FGF13: variants seen among roughly 807,000 people sequenced by gnomAD.
The protein encoded by FGF13 is fibroblast growth factor homologous factor 2.
Under a neutral mutation model 19.5 loss-of-function variants are expected in FGF13, and 2 were observed. The ratio of observed to expected loss-of-function variants is 0.10; its 90% CI spans 0.04 to 0.32. The LOEUF (loss-of-function observed/expected upper bound fraction) is 0.32. Ranked by LOEUF, FGF13 falls within the 10% of genes least tolerant of loss-of-function variation. The pLI is 1.00. For missense variants in FGF13, 113 were observed against 192.7 expected (o/e 0.59, Z 2.45); for synonymous variants, 72 against 76.9 (o/e 0.94, Z 0.33).
intron 3 of FGF13, among the ~76,000 whole-genome samples, chrX:138,690,516 G>C (rs1217962202): frequency 9.1e-6 from 1 of 110,008 alleles, no homozygotes; most frequent in Non-Finnish European, 1.9e-5. Context: ...GGGCAAGTGG[G>C]AGCCTTTTTT....
chrX:138,850,515 G>A (rs746369709), intron 3 of FGF13, among the ~76,000 whole-genome samples: 2 of 111,713 alleles, frequency 1.8e-5, no homozygotes, highest in Admixed American at 1.9e-4. Context: ...GCATTAATTT[G>A]GACTAATATT....
At chrX:138,836,881 G>GTTT (rs199771150) in intron 3 of FGF13, among the ~76,000 whole-genome samples, 1 of 96,878 alleles carries the variant, frequency 1.0e-5, no homozygotes, top group Admixed American at 1.1e-4. Context: ...TTGGTGGTGG[G>GTTT]TTTTTTTTTT....
At chrX:138,787,947 G>A (rs1251086210) in intron 3 of FGF13, among the ~76,000 whole-genome samples, 1 of 111,763 alleles carries the variant, frequency 8.9e-6, no homozygotes, top group Non-Finnish European at 1.9e-5. Context: ...AAAACATTCA[G>A]TTCATTGCAT....
chrX:139,027,948 C>G (rs2092207155), intron 1 of FGF13, among the ~76,000 whole-genome samples: 1 of 111,453 alleles, frequency 9.0e-6, no homozygotes, highest in Non-Finnish European at 1.9e-5. Context: ...TTTGGCAAAT[C>G]ATTTCTACAT....
At chrX:138,771,408 T>G (rs903219483) in intron 3 of FGF13, among the ~76,000 whole-genome samples, 1 of 111,842 alleles carries the variant, frequency 8.9e-6, no homozygotes, top group Non-Finnish European at 1.9e-5. Flanking sequence ...AAATTTGAAT[T>G]TCAGATAAAT....
chrX:138,836,482 A>G (rs1394415386), intron 3 of FGF13, among the ~76,000 whole-genome samples: 1 of 111,822 alleles, frequency 8.9e-6, no homozygotes, highest in Non-Finnish European at 1.9e-5. Flanking sequence ...CTATTTGGCA[A>G]TCAATAGCTG....
At chrX:139,164,688 C>CAAATAAATAAATAAATAAATAAAT (rs778262336) in intron 1 of FGF13, among the ~76,000 whole-genome samples, 5 of 92,568 alleles carry the variant, frequency 5.4e-5, no homozygotes, top group East Asian at 3.4e-4. Flanking sequence ...GACCTTGTCT[C>CAAATAAATAAATAAATAAATAAAT]AAATAAATAA....
At chrX:139,195,663 A>AT (rs780472772) in intron 1 of FGF13, among the ~76,000 whole-genome samples, 2 of 112,237 alleles carry the variant, frequency 1.8e-5, no homozygotes, top group Non-Finnish European at 3.8e-5. Context: ...ATCACTGTTA[A>AT]TTATTACCAT....
chrX:138,951,724 A>C lies in FGF13; in HGVS notation c.-112-87074T>G, dbSNP rs577818448. 2.7e-5 allele frequency among the ~76,000 whole-genome samples: 3 copies of C among 111,650 alleles called. No homozygotes were observed. In the South Asian group the frequency reaches 1.1e-3, roughly 42 times the overall value. On this transcript the variant is annotated intron_variant, in intron 1 of 2. Coordinates refer to the FGF13 transcript ENST00000421460. Reference sequence around the variant, plus strand: ...CGCTAGAATGGCTAAAATTTAAAAAACTACATATATCAAGGCTGGCAAAGA... The same window carrying C: ...CGCTAGAATGGCTAAAATTTAAAAACCTACATATATCAAGGCTGGCAAAGA...
At chrX:138,977,574 A>G (rs779633112) in intron 1 of FGF13, among the ~76,000 whole-genome samples, 1 of 112,689 alleles carries the variant, frequency 8.9e-6, no homozygotes, top group Admixed American at 9.4e-5. Context: ...AAGTGTCTTC[A>G]TATACTTGCT....
chrX:138,953,440 AG>A (rs1462077494), intron 1 of FGF13, among the ~76,000 whole-genome samples: 1 of 107,605 alleles, frequency 9.3e-6, no homozygotes, highest in Non-Finnish European at 1.9e-5. Context: ...GGGTGGGTGG[AG>A]GGGGGAGGGA....
At chrX:139,126,404 C>A (rs1035438929) in intron 1 of FGF13, among the ~76,000 whole-genome samples, 1 of 111,342 alleles carries the variant, frequency 9.0e-6, no homozygotes, top group Non-Finnish European at 1.9e-5. Context: ...CCACTTTGCA[C>A]TCAGTTCCTG....
chrX:139,161,195 C>A (rs1367178818), intron 1 of FGF13, among the ~76,000 whole-genome samples: 1 of 112,015 alleles, frequency 8.9e-6, no homozygotes, highest in African/African-American at 3.2e-5. Flanking sequence ...GTTTAACATA[C>A]ACAAATCAAT....
At chrX:138,843,227 C>T (rs1005906884) in intron 3 of FGF13, among the ~76,000 whole-genome samples, 1 of 112,008 alleles carries the variant, frequency 8.9e-6, no homozygotes, top group African/African-American at 3.2e-5. Flanking sequence ...TTAAATGTAA[C>T]CTTCTTCCAT....
intron 3 of FGF13, among the ~76,000 whole-genome samples, chrX:138,684,315 G>C (rs1038225007): frequency 9.0e-6 from 1 of 111,046 alleles, no homozygotes; most frequent in Non-Finnish European, 1.9e-5. Context: ...TTTCTAATTC[G>C]GTGTGCCCAT....
intron 1 of FGF13, among the ~76,000 whole-genome samples, chrX:139,006,085 A>G (rs1468133939): frequency 2.7e-5 from 3 of 111,520 alleles, no homozygotes; most frequent in Non-Finnish European, 3.8e-5. Flanking sequence ...CAAAAAAGTT[A>G]TAGAACACAA....
intron 3 of FGF13, among the ~76,000 whole-genome samples, chrX:138,807,520 A>C (rs1405232254): frequency 8.9e-6 from 1 of 112,168 alleles, no homozygotes; most frequent in Non-Finnish European, 1.9e-5. Context: ...CGATGCTAGG[A>C]AGAAACTGCA....
chrX:139,049,705 A>G (rs2092298338), intron 1 of FGF13, among the ~76,000 whole-genome samples: 1 of 112,645 alleles, frequency 8.9e-6, no homozygotes, highest in Admixed American at 9.4e-5. Context: ...TGTTATTTCT[A>G]TCTTGCTGAC....
chrX:139,012,586 A>C (rs1221179004), intron 1 of FGF13, among the ~76,000 whole-genome samples: 2 of 111,927 alleles, frequency 1.8e-5, no homozygotes, highest in Non-Finnish European at 3.8e-5. Flanking sequence ...AAAGAAAAAC[A>C]TAAAGTGGGG....
Sources: gnomAD v4.1 joint callset for allele counts (sites outside exome capture counted in the v4.1 genomes callset) on GRCh38, gnomAD v4.1.1 for gene constraint, MANE v1.5 for transcripts, NCBI Gene and HGNC (gene_info 2026-07-23, HGNC 2026-07-21) for gene names.